GRID2: variants seen among roughly 807,000 people sequenced by gnomAD.
GRID2 encodes glutamate receptor ionotropic, delta-2.
Under a neutral mutation model 114.8 loss-of-function variants are expected in GRID2, and 33 were observed. That is an observed-to-expected ratio of 0.29 (90% CI 0.22 to 0.38). GRID2 has a LOEUF of 0.38. GRID2 is among the 10% of genes least tolerant of loss of function. The pLI is 1.00. For missense variants in GRID2, 1,184 were observed against 1,257.7 expected (o/e 0.94, Z 0.89); for synonymous variants, 505 against 449.9 (o/e 1.12, Z -1.55).
chr4:93,363,415 G>A (rs964701001), intron 8 of GRID2, among the ~76,000 whole-genome samples: 2 of 152,070 alleles, frequency 1.3e-5, no homozygotes, highest in Non-Finnish European at 2.9e-5. Flanking sequence ...GTCCATTACA[G>A]CTTCTTTTTT....
At chr4:92,935,056 A>G (rs1750551427) in intron 2 of GRID2, among the ~76,000 whole-genome samples, 2 of 146,938 alleles carry the variant, frequency 1.4e-5, no homozygotes, top group African/African-American at 2.4e-5. Flanking sequence ...ATTAAACTAA[A>G]GAGCTTCTGC....
chr4:92,387,633 G>A (rs1192427344), intron 1 of GRID2, among the ~76,000 whole-genome samples: 1 of 151,946 alleles, frequency 6.6e-6, no homozygotes, highest in Non-Finnish European at 1.5e-5. Context: ...TGGAGACAAG[G>A]GAGGAAGGAA....
At chr4:93,635,832 G>A (rs115741623) in intron 14 of GRID2, among the ~76,000 whole-genome samples, 542 of 152,256 alleles carry the variant, frequency 3.6e-3, no homozygotes, top group African/African-American at 0.013. Flanking sequence ...TTTCCAGTAT[G>A]TGAATTTTTC....
At chr4:92,773,459 T>C (rs1351185559) in intron 2 of GRID2, among the ~76,000 whole-genome samples, 1 of 152,162 alleles carries the variant, frequency 6.6e-6, no homozygotes, top group Non-Finnish European at 1.5e-5. Context: ...AACAGCTCTA[T>C]AAACAAACAT....
intron 8 of GRID2, among the ~76,000 whole-genome samples, chr4:93,316,031 T>TTGC (rs1756548034): frequency 6.6e-6 from 1 of 152,004 alleles, no homozygotes; most frequent in Non-Finnish European, 1.5e-5. Context: ...GAGAAAAAGT[T>TTGC]TGCTGCTGGA....
chr4:92,540,112 G>T (rs1725852638), intron 1 of GRID2, among the ~76,000 whole-genome samples: 1 of 152,106 alleles, frequency 6.6e-6, no homozygotes, highest in Non-Finnish European at 1.5e-5. Context: ...GCTGAAACTG[G>T]ATCCCTTCTT....
chr4:92,693,142 C>G (rs182537671), intron 2 of GRID2, among the ~76,000 whole-genome samples: 6 of 151,654 alleles, frequency 4.0e-5, no homozygotes, highest in Non-Finnish European at 5.9e-5. Flanking sequence ...TAAATCTTTC[C>G]CCCTTTATGC....
intron 2 of GRID2, among the ~76,000 whole-genome samples, chr4:92,766,202 A>G (rs1345189065): frequency 6.6e-6 from 1 of 152,198 alleles, no homozygotes; most frequent in Non-Finnish European, 1.5e-5. Context: ...GTCACAAAAG[A>G]GGATTCTTTT....
chr4:93,111,854 C>T (rs2149352747), intron 4 of GRID2: 1 of 147,088 alleles, frequency 6.8e-6, no homozygotes, highest in South Asian at 2.1e-4. Flanking sequence ...TTCTTTGACA[C>T]TCACAATATA....
chr4:92,973,274 A>G (rs1159132286), intron 2 of GRID2, among the ~76,000 whole-genome samples: 3 of 152,142 alleles, frequency 2.0e-5, no homozygotes, highest in Non-Finnish European at 4.4e-5. Context: ...TGCTCTTCCC[A>G]TCTATATTTT....
intron 14 of GRID2, among the ~76,000 whole-genome samples, chr4:93,683,768 A>C (rs1050535501): frequency 1.3e-5 from 2 of 151,982 alleles, no homozygotes; most frequent in Non-Finnish European, 1.5e-5. Context: ...ATTTAAAAGT[A>C]TAAGCTATCC....
chr4:93,776,949 A>G (rs1314289084), downstream of GRID2, among the ~76,000 whole-genome samples: 1 of 152,204 alleles, frequency 6.6e-6, no homozygotes, highest in Admixed American at 6.5e-5. Context: ...AAGCTCTGCA[A>G]TGTTTCAACT....
intron 6 of GRID2, 68 bp from the exon 7 acceptor site, chr4:93,224,546 A>G (rs1745266289): frequency 9.9e-7 from 1 of 1,011,154 alleles, no homozygotes; most frequent in African/African-American, 1.6e-5. Flanking sequence ...TGAGACAATT[A>G]TTTTTTTTCC....
At chr4:93,116,036 C>A (rs956047004) in intron 4 of GRID2, among the ~76,000 whole-genome samples, 1 of 152,098 alleles carries the variant, frequency 6.6e-6, no homozygotes, top group Non-Finnish European at 1.5e-5. Context: ...TCTTACCTAC[C>A]TTTTCTTATA....
chr4:93,256,428 GT>G (rs35106885), intron 8 of GRID2, among the ~76,000 whole-genome samples: 10 of 21,294 alleles, frequency 4.7e-4, no homozygotes, highest in Admixed American at 1.4e-3. Context: ...TTAATTTTTG[GT>G]TTTTTTTTTT....
chr4:93,409,632 C>T (rs959059027), intron 9 of GRID2, among the ~76,000 whole-genome samples: 2 of 152,138 alleles, frequency 1.3e-5, no homozygotes, highest in Non-Finnish European at 2.9e-5. Flanking sequence ...TTGACACGAC[C>T]ATGTCAAAGA....
rs10706922 is a variant in GRID2, at chr4:93,075,883, CTTTTTTTTTTTTTTTTTTTTT to C, written c.245-9094_245-9074del. Among the ~76,000 whole-genome samples, 107 of 76,606 alleles carry C rather than the reference CTTTTTTTTTTTTTTTTTTTTT, an allele frequency of 1.4e-3. 1 individual carries two copies. Among genetic ancestry groups the C allele is most frequent in the South Asian group, 7.0e-3 (16 of 2,290 alleles). 50.3% of individuals were successfully genotyped at this position (76,606 alleles called of 152,430 possible). ...GTATTGGGATGTCGAAGTTACCTCT[CTTTTTTTTTTTTTTTTTTTTT>C]TTTTTTTTTTTTTTTTTGAGATGGA... On this transcript the variant is annotated intron_variant, in intron 2 of 15. Transcript: ENST00000282020.
intron 4 of GRID2, among the ~76,000 whole-genome samples, chr4:93,181,388 G>A (rs1739881155): frequency 6.6e-6 from 1 of 152,248 alleles, no homozygotes; most frequent in Admixed American, 6.5e-5. Flanking sequence ...AATACATTTA[G>A]TATAATTCTG....
At chr4:93,084,794 C>T (rs1051668047) in intron 2 of GRID2, among the ~76,000 whole-genome samples, 10 of 152,148 alleles carry the variant, frequency 6.6e-5, no homozygotes, top group Non-Finnish European at 1.5e-4. Flanking sequence ...TGCACAAGGT[C>T]GCATAGATAA....
Sources: gnomAD v4.1 joint callset for allele counts (sites outside exome capture counted in the v4.1 genomes callset) on GRCh38, gnomAD v4.1.1 for gene constraint, MANE v1.5 for transcripts, NCBI Gene and HGNC (gene_info 2026-07-23, HGNC 2026-07-21) for gene names.